Variants in SAMSN1 observed in about 807,000 individuals in gnomAD.
SAMSN1 encodes the protein SAM domain-containing protein SAMSN-1.
SAMSN1 carries 31 observed loss-of-function variants against 42.0 expected under a neutral mutation model. That is an observed-to-expected ratio of 0.74 (90% confidence interval 0.55 to 1.00). The LOEUF is 1.00. SAMSN1 is among the 50% of genes least tolerant of loss of function. The pLI is 0.00. For missense variants in SAMSN1, 464 were observed against 439.4 expected, an observed-to-expected ratio of 1.06 and a Z score of -0.50; for synonymous variants, 178 against 151.9, an observed-to-expected ratio of 1.17 and a Z score of -1.26.
At chr21:14,626,975 T>C (rs1426625082) in intron 2 of SAMSN1, among the ~76,000 whole-genome samples, 1 of 152,162 alleles carries the variant, frequency 6.6e-6, no homozygotes, top group African/African-American at 2.4e-5. Flanking sequence ...ATGTCCTTTG[T>C]AGGGACATGA....
chr21:14,557,225 C>G (rs1402350189), intron 2 of SAMSN1, among the ~76,000 whole-genome samples: 1 of 152,146 alleles, frequency 6.6e-6, no homozygotes, highest in Non-Finnish European at 1.5e-5. Context: ...AGACAAGCTA[C>G]ATGAACTTGA....
At chr21:14,573,696 T>C (rs1981375437) in intron 2 of SAMSN1, among the ~76,000 whole-genome samples, 1 of 152,200 alleles carries the variant, frequency 6.6e-6, no homozygotes, top group Non-Finnish European at 1.5e-5. Flanking sequence ...ATCTTCCTCA[T>C]TGTATCCTTA....
intron 2 of SAMSN1, among the ~76,000 whole-genome samples, chr21:14,632,024 T>C (rs1306822458): frequency 1.3e-5 from 2 of 152,180 alleles, no homozygotes; most frequent in Non-Finnish European, 2.9e-5. Context: ...ATATGCTGTT[T>C]AGGTCACATC....
intron 1 of SAMSN1, among the ~76,000 whole-genome samples, chr21:14,530,248 C>T (rs1305069218): frequency 5.9e-5 from 8 of 136,542 alleles, no homozygotes; most frequent in Non-Finnish European, 9.2e-5. Flanking sequence ...ACCTGGGAGG[C>T]GGAGCTTGCA....
intron 1 of SAMSN1, among the ~76,000 whole-genome samples, chr21:14,528,505 T>C (rs559434846): frequency 1.3e-5 from 2 of 152,170 alleles, no homozygotes; most frequent in Non-Finnish European, 2.9e-5. Context: ...CCTGCTCCCC[T>C]GAGGATCTGT....
At chr21:14,566,812 A>G (rs191162882) in intron 2 of SAMSN1, among the ~76,000 whole-genome samples, 54 of 152,242 alleles carry the variant, frequency 3.5e-4, no homozygotes, top group Non-Finnish European at 6.0e-4. Context: ...TGCTGGGATT[A>G]CAGGGGTAAG....
At chr21:14,605,505 C>T (rs940774559) in intron 5 of SAMSN1, among the ~76,000 whole-genome samples, 11 of 152,178 alleles carry the variant, frequency 7.2e-5, no homozygotes, top group Non-Finnish European at 1.5e-4. Context: ...TGAAAATTAA[C>T]CAGAATGGTG....
intron 3 of SAMSN1, among the ~76,000 whole-genome samples, chr21:14,613,358 A>ACTCCCC (rs1982758981): frequency 6.6e-6 from 1 of 152,206 alleles, no homozygotes; most frequent in African/African-American, 2.4e-5. Flanking sequence ...GCTGATGGGC[A>ACTCCCC]ACTTTATGCC....
chr21:14,635,599 A>G (rs17003830), intron 2 of SAMSN1, among the ~76,000 whole-genome samples: 3,973 of 152,268 alleles, frequency 0.026, 170 homozygotes, highest in African/African-American at 0.09. Context: ...GATAAGAAGC[A>G]TTGATTGCAA....
In SAMSN1 at chr21:14,530,305, A is replaced by C. The variant is rs185458443; in HGVS notation, c.58-9084T>G. 3.4e-3 allele frequency among the ~76,000 whole-genome samples: 474 copies of C among 138,688 alleles called. 2 individuals are homozygous for C. The highest frequency in any genetic ancestry group is 0.012 in the African/African-American group (451 of 38,430). 91.0% of individuals were successfully genotyped at this position (138,688 alleles called of 152,430 possible). On this transcript the variant is annotated intron_variant, in intron 1 of 7. Transcript: ENST00000400566. ...GCGCTCCAGCCTGGGCAACAGAGCG[A>C]GACTCCGTCTCAAAAAAAAAAAAAA...
rs367553691 is a variant in SAMSN1, at chr21:14,560,144, A to T, written c.261+21992T>A. Among the ~76,000 whole-genome samples, 98 of 152,316 alleles carry T rather than the reference A, an allele frequency of 6.4e-4. 1 individual carries two copies. The highest frequency in any genetic ancestry group is 2.3e-3 in the African/African-American group (96 of 41,578). On this transcript the variant is annotated intron_variant, in intron 2 of 8. Transcript: ENST00000285670. The stretch of plus-strand genomic sequence containing the variant: ...TAAGCAGTGAAAGCATAGAGGGTAA[A>T]TTGTTAATTTGCCTGGAGAAGTTAG...
intron 3 of SAMSN1, among the ~76,000 whole-genome samples, chr21:14,515,123 A>C (rs912987991): frequency 3.3e-5 from 5 of 152,150 alleles, no homozygotes; most frequent in Non-Finnish European, 7.3e-5. Context: ...CACTTGGGTC[A>C]AATACAGTTG....
chr21:14,570,842 C>T (rs1199297507), intron 2 of SAMSN1, among the ~76,000 whole-genome samples: 1 of 152,116 alleles, frequency 6.6e-6, no homozygotes, highest in Non-Finnish European at 1.5e-5. Context: ...CAAAATAAGC[C>T]CTTGGCTTAA....
rs1249829928 is a variant in SAMSN1, at chr21:14,594,116, T to C, written c.400-38A>G. ...AAAAGGAAATAGAGACAACTAATGT[T>C]AACATTCTTTAAAAAACAAAACAAA... On this transcript the variant is annotated intron_variant, in intron 6 of 15. Transcript: ENST00000647101. The C allele has an allele frequency of 7.7e-6, 5 of 647,524 alleles. No homozygotes were observed. In the African/African-American group the frequency reaches 9.2e-5, roughly 12 times the overall value. 40.1% of individuals were successfully genotyped at this position (647,524 alleles called of 1,614,324 possible).
intron 1 of SAMSN1, among the ~76,000 whole-genome samples, chr21:14,543,165 T>A (rs1980152549): frequency 6.6e-6 from 1 of 152,324 alleles, no homozygotes; most frequent in Non-Finnish European, 1.5e-5. Flanking sequence ...ATGGGTTTCT[T>A]TTGTAATAAT....
upstream of SAMSN1, chr21:14,583,429 G>A (rs1230591458): frequency 6.2e-6 from 3 of 480,922 alleles, no homozygotes; most frequent in South Asian, 4.9e-5. Context: ...ACTGTGTCTC[G>A]GAGCCCGGTC....
At chr21:14,538,234 C>T (rs758168745) in intron 1 of SAMSN1, among the ~76,000 whole-genome samples, 1 of 152,030 alleles carries the variant, frequency 6.6e-6, no homozygotes, top group African/African-American at 2.4e-5. Context: ...ATATTACCTA[C>T]ATTTTATATC....
chr21:14,658,931 A>C (rs1983957523), upstream of SAMSN1: 1 of 603,740 alleles, frequency 1.7e-6, no homozygotes, highest in Non-Finnish European at 3.0e-6. Context: ...ATTATCAAAT[A>C]ATATAGGCTT....
intron 1 of SAMSN1, among the ~76,000 whole-genome samples, chr21:14,646,009 C>T (rs1179564599): frequency 1.3e-5 from 2 of 152,088 alleles, no homozygotes; most frequent in East Asian, 3.9e-4. Flanking sequence ...AGCGCAACTA[C>T]AGGATCTAGA....
Sources: allele counts gnomAD v4.1 joint callset (sites outside exome capture counted in the v4.1 genomes callset), GRCh38; gene constraint gnomAD v4.1.1; transcripts MANE v1.5; gene names NCBI Gene and HGNC (gene_info 2026-07-23, HGNC 2026-07-21).